PIGS: variants seen among roughly 807,000 people sequenced by gnomAD.
PIGS encodes phosphatidylinositol glycan anchor biosynthesis class S.
Under a neutral mutation model 58.2 loss-of-function variants are expected in PIGS, and 37 were observed. That is an observed-to-expected ratio of 0.64 (90% CI 0.49 to 0.84). The LOEUF (loss-of-function observed/expected upper bound fraction) is 0.84. Among genes scored for constraint, PIGS ranks in the 40% least tolerant of loss-of-function variants. The pLI, the probability that PIGS is intolerant of heterozygous loss-of-function variation, is 0.00. For synonymous variants in PIGS, 269 were observed against 289.2 expected (o/e 0.93, Z 0.71); for missense variants, 629 against 710.8 (o/e 0.88, Z 1.31).
At chr17:28,561,276 AAT>A in intron 6 of PIGS, 144 bp downstream of exon 6, 6 of 402,672 alleles carry the variant, frequency 1.5e-5, no homozygotes, top group African/African-American at 4.3e-5. Flanking sequence ...AACTAAAAAA[AAT>A]AATAATAATA....
intron 6 of PIGS, chr17:28,560,497 G>A (rs1194245408): frequency 2.5e-5 from 7 of 284,906 alleles, no homozygotes; most frequent in East Asian, 1.1e-4. Context: ...TACAAATATC[G>A]GCCGGGTGTG....
intron 6 of PIGS, among the ~76,000 whole-genome samples, chr17:28,560,725 A>G (rs1029109895): frequency 3.3e-5 from 5 of 151,994 alleles, no homozygotes; most frequent in African/African-American, 1.2e-4. Context: ...TTGCAGTGAG[A>G]CAAGATCACG....
intron 5 of PIGS, 110 bp downstream of exon 5, chr17:28,563,321 T>A: frequency 4.0e-6 from 4 of 991,026 alleles, no homozygotes; most frequent in South Asian, 1.6e-5. Flanking sequence ...TTTTGGAGAG[T>A]TTTCTGTAGC....
intron 6 of PIGS, among the ~76,000 whole-genome samples, chr17:28,560,761 G>A (rs1163451408): frequency 1.3e-5 from 2 of 151,916 alleles, no homozygotes; most frequent in Non-Finnish European, 2.9e-5. Context: ...CTGGACGACA[G>A]GAGGCTCCGT....
At chr17:28,554,695 T>C (rs924903616) in intron 11 of PIGS, among the ~76,000 whole-genome samples, 156 bp downstream of exon 11, 6 of 152,036 alleles carry the variant, frequency 3.9e-5, no homozygotes, top group African/African-American at 1.4e-4. Context: ...CACTCCTGCT[T>C]GGGGGCTGGT....
chr17:28,553,639 G>GACACACACACACACACACACAC lies in PIGS; in HGVS notation c.*559_*580dup, dbSNP rs371988281. ...AAATCTGGAACTTTCTGGAACCTCTGACACACACACACACACACACACACA... is the reference window on the plus strand; with the variant it reads ...AAATCTGGAACTTTCTGGAACCTCTGACACACACACACACACACACACACACACACACACACACACACACACA... On this transcript the variant is annotated 3_prime_UTR_variant, in exon 12 of 12. Coordinates refer to ENST00000308360, the MANE Select transcript of PIGS (RefSeq NM_033198.4). 1 of 144,492 alleles carries GACACACACACACACACACACAC rather than the reference G, an allele frequency of 6.9e-6. No individual in the cohort carries two copies. Among genetic ancestry groups the GACACACACACACACACACACAC allele is most frequent in the Non-Finnish European group, 1.5e-5 (1 of 66,102 alleles). 9.0% of individuals were successfully genotyped at this position (144,492 alleles called of 1,614,324 possible).
At chr17:28,568,124 T>G (rs1567617649) in intron 3 of PIGS, among the ~76,000 whole-genome samples, 1 of 152,036 alleles carries the variant, frequency 6.6e-6, no homozygotes, top group African/African-American at 2.4e-5. Flanking sequence ...TTTTTTTTTT[T>G]GAGATGGAGT....
Position 28,555,798 on chromosome 17 carries a change from G to A in PIGS, c.1181+368C>T, listed in dbSNP as rs11870812. On this transcript the variant is annotated intron_variant, in intron 10 of 11. Transcript: ENST00000308360. The stretch of plus-strand genomic sequence containing the variant: ...AGCCTGGCCAAGATGGTGAAACCCC[G>A]TTTCTACTAAAATTACAAAAAATTA... The A allele has an allele frequency of 4.1e-3, 810 of 199,502 alleles. 3 individuals carry two copies. Among genetic ancestry groups the A allele is most frequent in the African/African-American group, 0.019 (783 of 42,192 alleles). 12.4% of individuals were successfully genotyped at this position (199,502 alleles called of 1,614,324 possible).
At chr17:28,563,981 T>G in intron 3 of PIGS, 74 bp from the exon 4 acceptor site, 1 of 1,305,808 alleles carries the variant, frequency 7.7e-7, no homozygotes, top group Non-Finnish European at 1.1e-6. Flanking sequence ...GACCTAACAC[T>G]GTCCAGCATC....
At chr17:28,568,719 C>T (rs1428057906) in intron 3 of PIGS, among the ~76,000 whole-genome samples, 1 of 152,148 alleles carries the variant, frequency 6.6e-6, no homozygotes, top group Non-Finnish European at 1.5e-5. Context: ...ACTGTGTTAT[C>T]AAATATGAAG....
Position 28,570,834 on chromosome 17 carries a change from T to C in PIGS, c.286+18A>G, listed in dbSNP as rs2070422625. ...TGAGCTCAGAGGCGAAAAGCAGCCC[T>C]GATCCCCAGTAACTCACATTTCAGA... On this transcript the variant is annotated intron_variant, in intron 3 of 11. Coordinates refer to ENST00000308360, the MANE Select transcript of PIGS (RefSeq NM_033198.4). The C allele has an allele frequency of 6.2e-7, 1 of 1,613,442 alleles. No homozygotes were observed. Among genetic ancestry groups the C allele is most frequent in the Non-Finnish European group, 8.5e-7 (1 of 1,179,314 alleles).
intron 6 of PIGS, among the ~76,000 whole-genome samples, chr17:28,561,040 G>A (rs1013522203): frequency 6.6e-6 from 1 of 152,014 alleles, no homozygotes; most frequent in Non-Finnish European, 1.5e-5. Flanking sequence ...GGCAGATCAC[G>A]AGGTCAGGAG....
intron 3 of PIGS, among the ~76,000 whole-genome samples, chr17:28,566,267 TTTTC>T (rs1381325309): frequency 8.3e-6 from 1 of 119,996 alleles, no homozygotes; most frequent in Non-Finnish European, 1.6e-5. Flanking sequence ...CTACTTTTTC[TTTTC>T]TTTTTTTTTT....
At chr17:28,558,410 A>C in intron 8 of PIGS, 66 bp downstream of exon 8, 2 of 1,319,666 alleles carry the variant, frequency 1.5e-6, no homozygotes, top group Non-Finnish European at 2.1e-6. Context: ...TCCCCTACCC[A>C]GCTGAGCCGT....
intron 3 of PIGS, among the ~76,000 whole-genome samples, chr17:28,568,527 T>C (rs1209231643): frequency 6.6e-6 from 1 of 152,206 alleles, no homozygotes; most frequent in Non-Finnish European, 1.5e-5. Flanking sequence ...CTATTACTAT[T>C]TCCGTCTAAC....
rs867225272 is a variant in PIGS, at chr17:28,559,073, G to A, written c.820-483C>T. On this transcript the variant is annotated intron_variant, in intron 7 of 11. Coordinates refer to ENST00000308360, the MANE Select transcript of PIGS (RefSeq NM_033198.4). The stretch of plus-strand genomic sequence containing the variant: ...TGGCTCACTGCAAACTCCACCTCCC[G>A]GGTTCAAGCAATTCTCCTGCCTCAG... Among the ~76,000 whole-genome samples, 59 of 152,064 alleles carry A rather than the reference G, an allele frequency of 3.9e-4. 1 individual carries two copies. In the East Asian group the frequency reaches 4.5e-3, roughly 12 times the overall value.
In PIGS at chr17:28,556,160, C is replaced by T; in HGVS notation, c.1181+6G>A. ...ATGTCCCCAAGTGGATCATCCAGGACCTCACCGCAACTGTGCCAGGAACAC... is the reference window on the plus strand; with the variant it reads ...ATGTCCCCAAGTGGATCATCCAGGATCTCACCGCAACTGTGCCAGGAACAC... On this transcript the variant is annotated splice_donor_region_variant and intron_variant, in intron 10 of 11. Coordinates refer to ENST00000308360, the MANE Select transcript of PIGS (RefSeq NM_033198.4). The T allele has an allele frequency of 6.2e-7, 1 of 1,609,470 alleles. No individual in the cohort carries two copies. The highest frequency in any genetic ancestry group is 1.7e-4 in the Middle Eastern group (1 of 6,056).
At position 28,554,896 on chromosome 17, in the gene PIGS, C is replaced by G; in HGVS notation, c.1347G>C (p.Leu449=). 6.2e-7 allele frequency: 1 copy of G among 1,614,150 alleles called. No homozygotes were observed. The change falls in exon 11 of 12, where the codon CTG becomes CTC. Residue 449 remains leucine, a synonymous_variant. Coordinates refer to ENST00000308360, the MANE Select transcript of PIGS (RefSeq NM_033198.4). ...TAATGACAATGTTGCTGATCTTGCCCAGAAGCTGCGCCAGGGAGGTAAGGG... is the reference window on the plus strand; with the variant it reads ...TAATGACAATGTTGCTGATCTTGCCGAGAAGCTGCGCCAGGGAGGTAAGGG... ...TTTLTSLAQL[L]GKISNIVIKD...
Position 28,560,051 on chromosome 17 carries a change from G to A in PIGS, c.817C>T (p.Gln273Ter). ...CCTCAACTTGCTCCCGGTCTCACCT[G>A]AGAGTCCACAGAGAAGTTGCCAGCG... ...GAAGNFSVDS[Q>*]ILYYAMLGVN... Residue 273 changes from glutamine to a stop codon, truncating the protein, a stop_gained and splice_region_variant, in exon 7 of 12, where the codon CAG (glutamine) becomes TAG (stop). Transcript: ENST00000308360. LOFTEE classifies it high-confidence loss of function. 6.2e-7 allele frequency: 1 copy of A among 1,608,680 alleles called. No individual in the cohort carries two copies. Among genetic ancestry groups the A allele is most frequent in the Non-Finnish European group, 8.5e-7 (1 of 1,178,244 alleles).
Sources: allele counts gnomAD v4.1 joint callset (sites outside exome capture counted in the v4.1 genomes callset), GRCh38; gene constraint gnomAD v4.1.1; transcripts MANE v1.5; gene names NCBI Gene and HGNC (gene_info 2026-07-23, HGNC 2026-07-21).